TMF1: variants seen among roughly 807,000 people sequenced by gnomAD.
TMF1 encodes TATA element modulatory factor.
A neutral mutation model predicts 126.5 loss-of-function variants in TMF1; 71 were observed. That is an observed-to-expected ratio of 0.56 (90% CI 0.46 to 0.68). TMF1 has a LOEUF of 0.68. Among genes scored for constraint, TMF1 ranks in the 30% least tolerant of loss-of-function variants. The pLI is 0.00. For missense variants in TMF1, 1,259 were observed against 1,253.2 expected, an observed-to-expected ratio of 1.00 and a Z score of -0.07; for synonymous variants, 461 against 430.5, an observed-to-expected ratio of 1.07 and a Z score of -0.88.
At position 69,048,194 on chromosome 3, in the gene TMF1, G is replaced by A. The variant is rs1255872686; in HGVS notation, c.511C>T (p.Pro171Ser). The change falls in exon 2 of 17, where the codon CCT becomes TCT. Residue 171 changes from proline to serine, a missense_variant. Pro to Ser is a moderately conservative substitution (Grantham distance 74). Transcript: ENST00000398559. ...TCTTCGTGCTTGCCTTCAGTTTTAG[G>A]TGATGAAGTACCTGCTGCCAGAGTT... ...GETLAAGTSS[P>S]KTEGKHEETV... The A allele has an allele frequency of 1.2e-6, 2 of 1,614,158 alleles. No homozygotes were observed. The highest frequency in any genetic ancestry group is 8.5e-7 in the Non-Finnish European group (1 of 1,180,042).
In TMF1 at chr3:69,029,924, A is replaced by T; in HGVS notation, c.2485T>A (p.Ser829Thr). 2.5e-6 allele frequency: 4 copies of T among 1,614,174 alleles called. No homozygotes were observed. In the East Asian group the frequency reaches 8.9e-5, roughly 36 times the overall value. The change falls in exon 11 of 17, where the codon TCT (serine) becomes ACT (threonine). Residue 829 changes from serine (S) to threonine (T), a missense_variant. By Grantham distance (58) the Ser-to-Thr change is moderately conservative (BLOSUM62 1). Transcript: ENST00000398559. Reference sequence around the variant, plus strand: ...AGAGAATTCTGTGACTCCATGGAAGACATCTGAATTTTGTTAGCAAGGAGT... The same window carrying T: ...AGAGAATTCTGTGACTCCATGGAAGTCATCTGAATTTTGTTAGCAAGGAGT... ...EELLANKIQM[S>T]SMESQNSLLR... is the part of the protein sequence containing the mutation.
At chr3:69,029,705 T>G (rs2091788988) in intron 11 of TMF1, 110 bp downstream of exon 11, 4 of 1,036,266 alleles carry the variant, frequency 3.9e-6, no homozygotes. Flanking sequence ...CCTCCCAATG[T>G]GCTGGGATTA....
Position 69,042,930 on chromosome 3 carries a change from T to C in TMF1, c.1579-18A>G. ...TTGATTTCCTAATAAAAAAGAAATC[T>C]GTGAATACCGTAAAGAATGACTTTC... On this transcript the variant is annotated intron_variant, in intron 4 of 16. Coordinates refer to ENST00000398559, the MANE Select transcript of TMF1 (RefSeq NM_007114.3). 1 of 1,522,972 alleles carries C rather than the reference T, an allele frequency of 6.6e-7. No individual in the cohort carries two copies. The highest frequency in any genetic ancestry group is 9.1e-7 in the Non-Finnish European group (1 of 1,099,214). 94.3% of individuals were successfully genotyped at this position (1,522,972 alleles called of 1,614,324 possible). A position where few individuals can be genotyped will look rare whatever the true frequency, so the allele number is the denominator to read the frequency against.
chr3:69,047,017 T>C (rs1477986802), intron 2 of TMF1, among the ~76,000 whole-genome samples: 3 of 152,220 alleles, frequency 2.0e-5, no homozygotes, highest in East Asian at 1.9e-4. Context: ...GAGGTGAAGA[T>C]ACATGTTAAT....
At chr3:69,031,417 T>C (rs1575810970) in intron 10 of TMF1, among the ~76,000 whole-genome samples, 1 of 150,618 alleles carries the variant, frequency 6.6e-6, no homozygotes, top group South Asian at 2.1e-4. Context: ...TAGAACTTAA[T>C]ACACACACAC....
In TMF1 at chr3:69,025,649, C is replaced by A; in HGVS notation, c.2923G>T (p.Asp975Tyr). ...GATCCTGCTCCCATCCTTACAGCAT[C>A]ATAAAGATTGCTTCCATTTGCTGAT... is the stretch of plus-strand genomic sequence containing the variant. ...PISANGSNLY[D>Y]AVRMGAGSSI... Residue 975 changes from aspartate to tyrosine, a missense_variant, in exon 15 of 17, where the codon GAT becomes TAT. Asp to Tyr is a radical substitution (Grantham distance 160, BLOSUM62 -3). Transcript: ENST00000398559. 3.1e-6 allele frequency: 5 copies of A among 1,614,028 alleles called. No homozygotes were observed. Among genetic ancestry groups the A allele is most frequent in the Non-Finnish European group, 4.2e-6 (5 of 1,179,914 alleles).
At position 69,038,576 on chromosome 3, in the gene TMF1, T is replaced by C. The variant is rs2091845353; in HGVS notation, c.2139A>G (p.Thr713=). The C allele has an allele frequency of 6.2e-7, 1 of 1,613,202 alleles. No homozygotes were observed. ...ATCCATTGCTTACTTGAATGGCTAA[T>C]GTTTCTTGCTGCTGACGGGCTTCTT... The part of the protein sequence containing the change: ...AQEEARQQQE[T]LAIQVGDLRL... Residue 713 remains threonine (T), a synonymous_variant, in exon 8 of 17, where the codon ACA becomes ACG. Coordinates refer to ENST00000398559, the MANE Select transcript of TMF1 (RefSeq NM_007114.3).
intron 9 of TMF1, 106 bp from the exon 10 acceptor site, chr3:69,033,810 AG>A: frequency 9.3e-7 from 1 of 1,072,676 alleles, no homozygotes; most frequent in Non-Finnish European, 1.3e-6. Context: ...TTTTTCCAAG[AG>A]AAAATAATTT....
At position 69,033,636 on chromosome 3, in the gene TMF1, C is replaced by T; in HGVS notation, c.2313G>A (p.Leu771=). The T allele has an allele frequency of 6.2e-7, 1 of 1,613,982 alleles. No homozygotes were observed. The highest frequency in any genetic ancestry group is 8.5e-7 in the Non-Finnish European group (1 of 1,179,992). Residue 771 remains leucine (L), a synonymous_variant, in exon 10 of 17, where the codon TTG becomes TTA. Transcript: ENST00000398559. The stretch of plus-strand genomic sequence containing the variant: ...CTTGCAAATTTTCTATTTGTCGAAG[C>T]AATGGTCTTGTTGTTGATGAAACAC... ...SQSVSSTTRP[L]LRQIENLQAT... is the part of the protein sequence containing the mutation.
At chr3:69,037,809 T>C (rs2091840972) in intron 8 of TMF1, among the ~76,000 whole-genome samples, 1 of 150,592 alleles carries the variant, frequency 6.6e-6, no homozygotes, top group Non-Finnish European at 1.5e-5. Context: ...TCTCAAAAAA[T>C]ATATATAAAT....
chr3:69,027,010 T>C (rs141674392), intron 13 of TMF1, among the ~76,000 whole-genome samples: 267 of 152,278 alleles, frequency 1.8e-3, no homozygotes, highest in African/African-American at 5.8e-3. Context: ...ATTTTTATTT[T>C]TTTGAGAAAG....
intron 5 of TMF1, chr3:69,042,591 C>T (rs766694324): frequency 4.6e-6 from 3 of 651,392 alleles, no homozygotes; most frequent in South Asian, 4.5e-5. Flanking sequence ...ACTTACTTTT[C>T]TTTTTACTTC....
Position 69,047,863 on chromosome 3 carries a change from T to C in TMF1, c.842A>G (p.Asp281Gly), listed in dbSNP as rs2091904461. The C allele has an allele frequency of 1.9e-6, 3 of 1,613,900 alleles. No individual in the cohort carries two copies. In the African/African-American group the frequency reaches 4.0e-5, roughly 22 times the overall value. ...SSASSRQETT[D>G]SKSSLHLMQT... is the part of the protein sequence containing the mutation. Reference sequence around the variant, plus strand: ...CATCAAGTGAAGACTTGATTTTGAATCTGTAGTCTCTTGTCTCGAGCTCGC... The same window carrying C: ...CATCAAGTGAAGACTTGATTTTGAACCTGTAGTCTCTTGTCTCGAGCTCGC... The change falls in exon 2 of 17, where the codon GAT (aspartate) becomes GGT (glycine). Residue 281 changes from aspartate (D) to glycine (G), a missense_variant. Physicochemically the swap from Asp to Gly is moderately conservative, Grantham distance 94. Coordinates refer to ENST00000398559, the MANE Select transcript of TMF1 (RefSeq NM_007114.3).
In TMF1 at chr3:69,029,927, T is replaced by A; in HGVS notation, c.2482A>T (p.Met828Leu). Residue 828 changes from methionine to leucine, a missense_variant, in exon 11 of 17, where the codon ATG becomes TTG. By Grantham distance (15) the Met-to-Leu change is conservative. Coordinates refer to ENST00000398559, the MANE Select transcript of TMF1 (RefSeq NM_007114.3). ...GAATTCTGTGACTCCATGGAAGACA[T>A]CTGAATTTTGTTAGCAAGGAGTTCT... ...TEELLANKIQMSSMESQNSLL... is the reference protein window; with the variant it reads ...TEELLANKIQLSSMESQNSLL... The A allele has an allele frequency of 6.2e-7, 1 of 1,614,194 alleles. No individual in the cohort carries two copies. The highest frequency in any genetic ancestry group is 8.5e-7 in the Non-Finnish European group (1 of 1,180,018).
intron 12 of TMF1, 22 bp downstream of exon 12, chr3:69,028,204 G>A (rs763701576): frequency 5.6e-6 from 9 of 1,594,276 alleles, no homozygotes; most frequent in Non-Finnish European, 7.7e-6. Context: ...CCTAAGAGCT[G>A]AGTGGTCACG....
In TMF1 at chr3:69,026,064, T is replaced by C. The variant is rs754905622; in HGVS notation, c.2791A>G (p.Thr931Ala). ...CTTATTGAACTTGAGCGTGACATGGTGGGAGTGCTAGAAACAGAAAATGGC... is the reference window on the plus strand; with the variant it reads ...CTTATTGAACTTGAGCGTGACATGGCGGGAGTGCTAGAAACAGAAAATGGC... ...RKPFSVSSTPTMSRSSSISGV... is the reference protein window; with the variant it reads ...RKPFSVSSTPAMSRSSSISGV... The change falls in exon 14 of 17, where the codon ACC (threonine) becomes GCC (alanine). Residue 931 changes from threonine to alanine, a missense_variant. Thr to Ala is a moderately conservative substitution (Grantham distance 58). Transcript: ENST00000398559. The C allele has an allele frequency of 4.3e-6, 7 of 1,613,916 alleles. No individual in the cohort carries two copies. Among genetic ancestry groups the C allele is most frequent in the Non-Finnish European group, 5.9e-6 (7 of 1,179,996 alleles).
Position 69,048,399 on chromosome 3 carries a change from C to T in TMF1, c.306G>A (p.Ser102=), listed in dbSNP as rs938750696. 2.5e-6 allele frequency: 4 copies of T among 1,614,058 alleles called. No individual in the cohort carries two copies. The highest frequency in any genetic ancestry group is 3.4e-6 in the Non-Finnish European group (4 of 1,180,024). Residue 102 remains serine (S), a synonymous_variant, in exon 2 of 17, where the codon TCG becomes TCA. Transcript: ENST00000398559. ...ESENFFSAFL[S]PTDVQTIQKS... ...TCTGAATGGTCTGGACATCAGTTGG[C>T]GAGAGAAAGGCACTGAAGAAATTTT...
chr3:69,042,479 C>A, intron 5 of TMF1: 1 of 488,194 alleles, frequency 2.0e-6, no homozygotes, highest in South Asian at 1.6e-5. Flanking sequence ...TTACATAAAT[C>A]CCAGAGTTAC....
At chr3:69,028,323 A>G (rs1224608151) in intron 11 of TMF1, 28 bp from the exon 12 acceptor site, 2 of 1,530,430 alleles carry the variant, frequency 1.3e-6, no homozygotes, top group East Asian at 4.5e-5. Context: ...ATTTAAAAAA[A>G]CAGAAAATGA....
Sources: allele counts gnomAD v4.1 joint callset (sites outside exome capture counted in the v4.1 genomes callset), GRCh38; gene constraint gnomAD v4.1.1; transcripts MANE v1.5; gene names NCBI Gene and HGNC (gene_info 2026-07-23, HGNC 2026-07-21).